Variants in C1orf198 observed in about 807,000 individuals in gnomAD.
C1orf198 encodes chromosome 1 open reading frame 198.
Under a neutral mutation model 31.4 loss-of-function variants are expected in C1orf198, and 17 were observed. That is an observed-to-expected ratio of 0.54 (90% CI 0.37 to 0.81). C1orf198 has a LOEUF of 0.81. Among genes scored for constraint, C1orf198 ranks in the 40% least tolerant of loss-of-function variants. The probability of loss-of-function intolerance (pLI) is 0.00; values close to 1 mark genes in which losing one functional copy is unlikely to be tolerated. For synonymous variants in C1orf198, 175 were observed against 193.8 expected, an observed-to-expected ratio of 0.90 and a Z score of 0.81; for missense variants, 401 against 450.3, an observed-to-expected ratio of 0.89 and a Z score of 0.99.
rs201440802 is a variant in C1orf198, at chr1:230,867,176, CTT to C, written c.333+1002_333+1003del. Among the ~76,000 whole-genome samples, 390 of 152,348 alleles carry C rather than the reference CTT, an allele frequency of 2.6e-3. 1 individual carries two copies. Among genetic ancestry groups the C allele is most frequent in the African/African-American group, 9.0e-3 (373 of 41,574 alleles). On this transcript the variant is annotated intron_variant, in intron 1 of 3. Coordinates refer to ENST00000366663, the MANE Select transcript of C1orf198 (RefSeq NM_032800.3). ...CAGCGAGCGATTTCATTCCTACACTCTTTGCTCAGCTTGACTTTGCTCCTCAC... is the reference window on the plus strand; with the variant it reads ...CAGCGAGCGATTTCATTCCTACACTCTGCTCAGCTTGACTTTGCTCCTCAC...
chr1:230,858,811 G>C (rs1308788027), intron 1 of C1orf198, among the ~76,000 whole-genome samples: 2 of 152,200 alleles, frequency 1.3e-5, no homozygotes, highest in Non-Finnish European at 2.9e-5. Context: ...AAGGCTTTTG[G>C]CTTTGGAAGG....
At chr1:230,844,787 C>A (rs1669543819) in intron 2 of C1orf198, among the ~76,000 whole-genome samples, 1 of 152,186 alleles carries the variant, frequency 6.6e-6, no homozygotes, top group East Asian at 1.9e-4. Context: ...CAGGGCAGGG[C>A]CTGGCACCCA....
At chr1:230,848,265 TTCTAAG>T (rs1669644914) in intron 2 of C1orf198, among the ~76,000 whole-genome samples, 1 of 152,194 alleles carries the variant, frequency 6.6e-6, no homozygotes, top group Non-Finnish European at 1.5e-5. Flanking sequence ...AAGAAAAAAG[TTCTAAG>T]TCTTTTTCCC....
Position 230,839,894 on chromosome 1 carries a change from A to G in C1orf198, c.942T>C (p.Asn314=). The part of the protein sequence containing the change: ...EPKFAQVSSS[N]VVLKTGFDFL... ...AATCAAATCCCGTCTTCAAGACGAC[A>G]TTACTTGAGCTGACCTGTAGAAGGG... The change falls in exon 4 of 4, where the codon AAT becomes AAC. Residue 314 remains asparagine (N), a synonymous_variant. Transcript: ENST00000366663. 6.2e-7 allele frequency: 1 copy of G among 1,611,246 alleles called. No individual in the cohort carries two copies. The highest frequency in any genetic ancestry group is 8.5e-7 in the Non-Finnish European group (1 of 1,179,332).
At chr1:230,846,496 AG>A (rs1165211852) in intron 2 of C1orf198, among the ~76,000 whole-genome samples, 1 of 152,278 alleles carries the variant, frequency 6.6e-6, no homozygotes, top group East Asian at 1.9e-4. Context: ...TGTGAAGTGC[AG>A]GTCCTATACA....
chr1:230,857,677 G>A lies in C1orf198; in HGVS notation c.334-1959C>T, dbSNP rs1325297967. Among the ~76,000 whole-genome samples the A allele has an allele frequency of 6.6e-6, 1 of 152,088 alleles. No individual in the cohort carries two copies. ...AGACTGTCAAAAGGCCAGAATCCAG[G>A]TCTTTATTTTCCCAGGACAGCATAT... On this transcript the variant is annotated intron_variant, in intron 1 of 3. Transcript: ENST00000366663. This position sits in a 1 kb window ranked among gnomAD's most constrained non-coding sequence, Gnocchi z 4.2.
chr1:230,847,102 C>CAA lies in C1orf198; in HGVS notation c.385-3208_385-3207dup, dbSNP rs71179741. Among the ~76,000 whole-genome samples, 174 of 69,678 alleles carry CAA rather than the reference C, an allele frequency of 2.5e-3. 10 individuals are homozygous for CAA. The East Asian group carries it at 0.029, about 12-fold the overall frequency. The allele number at this position is 69,678 out of a possible 152,430, so 45.7% of individuals were successfully genotyped here. ...TGGGCGACAGAGCGAGACTCCGTCT[C>CAA]AAAAAAAAAAAAAAAAAAAAAAAAA... is the stretch of plus-strand genomic sequence containing the variant. On this transcript the variant is annotated intron_variant, in intron 2 of 3. Coordinates refer to ENST00000366663, the MANE Select transcript of C1orf198 (RefSeq NM_032800.3).
intron 2 of C1orf198, among the ~76,000 whole-genome samples, chr1:230,844,509 T>G (rs890161321): frequency 2.6e-5 from 4 of 152,180 alleles, no homozygotes; most frequent in African/African-American, 9.7e-5. Context: ...GTCTCAGGTA[T>G]TTCTTTAAAA....
chr1:230,851,239 G>A (rs1484610705), intron 2 of C1orf198, among the ~76,000 whole-genome samples: 1 of 152,146 alleles, frequency 6.6e-6, no homozygotes, highest in African/African-American at 2.4e-5. Context: ...CTAATAGGCA[G>A]CTGGACATCA....
intron 1 of C1orf198, among the ~76,000 whole-genome samples, chr1:230,863,957 TTTTTTA>T (rs1670054858): frequency 1.3e-5 from 2 of 152,206 alleles, no homozygotes; most frequent in Admixed American, 6.5e-5. Flanking sequence ...CTTTTTCCTT[TTTTTTA>T]TTTTTATTTT....
At chr1:230,850,509 G>C (rs1249537063) in intron 2 of C1orf198, among the ~76,000 whole-genome samples, 5 of 152,180 alleles carry the variant, frequency 3.3e-5, no homozygotes, top group African/African-American at 1.2e-4. Context: ...AAGAGAACAT[G>C]GTCCCTGAGG....
chr1:230,841,554 G>A (rs777138613), intron 3 of C1orf198, among the ~76,000 whole-genome samples: 1 of 152,174 alleles, frequency 6.6e-6, no homozygotes, highest in Non-Finnish European at 1.5e-5. Flanking sequence ...CATCATTCAC[G>A]ATCATGGACA....
chr1:230,860,037 G>A (rs977760247), intron 1 of C1orf198, among the ~76,000 whole-genome samples: 14 of 152,160 alleles, frequency 9.2e-5, no homozygotes, highest in Admixed American at 9.2e-4. Flanking sequence ...CAACTAACGA[G>A]AGCTGATTGT....
In C1orf198 at chr1:230,866,839, T is replaced by C. The variant is rs576703807; in HGVS notation, c.333+1341A>G. ...AGGAATACATTTTAAAACCTATATTTTCCCCTCCCCAGTTTACCACACCCT... is the reference window on the plus strand; with the variant it reads ...AGGAATACATTTTAAAACCTATATTCTCCCCTCCCCAGTTTACCACACCCT... On this transcript the variant is annotated intron_variant, in intron 1 of 3. Transcript: ENST00000366663. Among the ~76,000 whole-genome samples the C allele has an allele frequency of 2.0e-5, 3 of 152,312 alleles. No homozygotes were observed. In the South Asian group the frequency reaches 6.2e-4, roughly 32 times the overall value.
intron 3 of C1orf198, among the ~76,000 whole-genome samples, chr1:230,842,119 G>A (rs1455676502): frequency 6.6e-6 from 1 of 152,194 alleles, no homozygotes; most frequent in African/African-American, 2.4e-5. Flanking sequence ...TGGTTGCCAG[G>A]AGCTTGCGGG....
At chr1:230,851,780 G>A (rs1365959771) in intron 2 of C1orf198, among the ~76,000 whole-genome samples, 1 of 152,206 alleles carries the variant, frequency 6.6e-6, no homozygotes, top group Non-Finnish European at 1.5e-5. Context: ...AACCAGGTGG[G>A]TGCACAGCTG....
chr1:230,869,518 A>AAAAAAC (rs1277811923), upstream of C1orf198: 2 of 152,238 alleles, frequency 1.3e-5, no homozygotes, highest in Non-Finnish European at 2.9e-5. Flanking sequence ...TCGTAAAATA[A>AAAAAAC]AAAAACAAAA....
At chr1:230,868,044 C>A in intron 1 of C1orf198, 136 bp downstream of exon 1, 1 of 951,310 alleles carries the variant, frequency 1.1e-6, no homozygotes. Context: ...GCTCCCCTCC[C>A]ACCCACTGCC....
At position 230,855,596 on chromosome 1, in the gene C1orf198, G is replaced by A. The variant is rs994667582; in HGVS notation, c.384+72C>T. ...GGGCTGTCTTCTGAGTCCATCAAATGCTGAAAGAAAAATATACAACTACTC... is the reference window on the plus strand; with the variant it reads ...GGGCTGTCTTCTGAGTCCATCAAATACTGAAAGAAAAATATACAACTACTC... On this transcript the variant is annotated intron_variant, in intron 2 of 3. Transcript: ENST00000366663. 5 of 1,526,400 alleles carry A rather than the reference G, an allele frequency of 3.3e-6. No homozygotes were observed. In the East Asian group the frequency reaches 9.1e-5, roughly 28 times the overall value. The allele number at this position is 1,526,400 out of a possible 1,614,324, so 94.6% of individuals were successfully genotyped here.
Sources: gnomAD v4.1 joint callset for allele counts (sites outside exome capture counted in the v4.1 genomes callset) on GRCh38, gnomAD v4.1.1 for gene constraint, Gnocchi (gnomAD v3.1) non-coding constraint, MANE v1.5 for transcripts, NCBI Gene and HGNC (gene_info 2026-07-23, HGNC 2026-07-21) for gene names.